DPP6: variants seen among roughly 807,000 people sequenced by gnomAD.
DPP6 encodes A-type potassium channel modulatory protein DPP6.
DPP6 carries 69 observed loss-of-function variants against 122.6 expected under a neutral mutation model. That is an observed-to-expected ratio of 0.56 (90% CI 0.46 to 0.69). The LOEUF is 0.69. Ranked by LOEUF, DPP6 falls within the 30% of genes least tolerant of loss-of-function variation. The pLI is 0.00. For missense variants in DPP6, 928 were observed against 1,116.9 expected, an observed-to-expected ratio of 0.83 and a Z score of 2.41; for synonymous variants, 418 against 433.1, an observed-to-expected ratio of 0.97 and a Z score of 0.43.
At chr7:154,127,597 T>TCTCACACACACACA (rs1438098845) in intron 1 of DPP6, among the ~76,000 whole-genome samples, 19 of 136,806 alleles carry the variant, frequency 1.4e-4, no homozygotes, top group African/African-American at 5.8e-4. Flanking sequence ...GAGCAGCATC[T>TCTCACACACACACA]CACACACACA....
intron 2 of DPP6, among the ~76,000 whole-genome samples, chr7:154,458,231 G>A (rs1384151889): frequency 6.6e-6 from 1 of 152,148 alleles, no homozygotes; most frequent in Non-Finnish European, 1.5e-5. Context: ...TGAATCATGG[G>A]GGTGGGTTTT....
At chr7:154,591,727 A>G (rs145157783) in intron 5 of DPP6, among the ~76,000 whole-genome samples, 2 of 152,332 alleles carry the variant, frequency 1.3e-5, no homozygotes, top group East Asian at 1.9e-4. Flanking sequence ...CCAGCAGAGG[A>G]GACCACAGCT....
In DPP6 at chr7:154,873,819, C is replaced by G. The variant is rs1044668874; in HGVS notation, c.1883+1126C>G. On this transcript the variant is annotated intron_variant, in intron 19 of 25. Transcript: ENST00000377770. ...ACATGCATCCACACACACACATGCA[C>G]ACACGCATACATAAACACACACATA... 1.3e-3 allele frequency among the ~76,000 whole-genome samples: 162 copies of G among 128,150 alleles called. 1 individual carries two copies. The highest frequency in any genetic ancestry group is 3.6e-4 in the Non-Finnish European group (20 of 55,538). The allele number at this position is 128,150 out of a possible 152,430, so 84.1% of individuals were successfully genotyped here. A position where few individuals can be genotyped will look rare whatever the true frequency, so the allele number is the denominator to read the frequency against.
At chr7:154,594,105 A>G (rs74402582) in intron 5 of DPP6, among the ~76,000 whole-genome samples, 1 of 151,404 alleles carries the variant, frequency 6.6e-6, no homozygotes, top group Non-Finnish European at 1.5e-5. Flanking sequence ...TCTTTAAAGG[A>G]TCACTCTAGC....
At chr7:154,656,173 G>A (rs535700227) in intron 6 of DPP6, among the ~76,000 whole-genome samples, 39 of 141,436 alleles carry the variant, frequency 2.8e-4, no homozygotes, top group Middle Eastern at 7.0e-3. Flanking sequence ...AGAGGGAGGT[G>A]GGGGGAGAGC....
chr7:154,581,493 A>T (rs1318553919), intron 5 of DPP6, among the ~76,000 whole-genome samples: 2 of 146,710 alleles, frequency 1.4e-5, no homozygotes, highest in Non-Finnish European at 2.9e-5. Flanking sequence ...CAGGGAAAGG[A>T]GGAGAACACG....
intron 3 of DPP6, among the ~76,000 whole-genome samples, chr7:154,502,617 A>G (rs181343746): frequency 6.6e-6 from 1 of 152,306 alleles, no homozygotes; most frequent in Admixed American, 6.5e-5. Flanking sequence ...CCCCAGCCAC[A>G]TGGAACTGTA....
intron 1 of DPP6, chr7:154,058,971 G>C (rs1190804162): frequency 1.3e-5 from 2 of 148,796 alleles, no homozygotes; most frequent in African/African-American, 2.6e-5. Context: ...CCCCCGCGAG[G>C]CAGGGACTGA....
At chr7:154,375,470 A>G (rs1318971403) in intron 1 of DPP6, among the ~76,000 whole-genome samples, 2 of 152,190 alleles carry the variant, frequency 1.3e-5, no homozygotes, top group Non-Finnish European at 2.9e-5. Flanking sequence ...TGGAGGTCCT[A>G]ACCTCCACTG....
chr7:154,200,363 C>T (rs544610862), intron 1 of DPP6, among the ~76,000 whole-genome samples: 11 of 152,240 alleles, frequency 7.2e-5, no homozygotes, highest in South Asian at 4.2e-4. Context: ...ATTCCCTTCT[C>T]GCTATTTTGA....
intron 1 of DPP6, among the ~76,000 whole-genome samples, chr7:154,236,249 A>G (rs1449744518): frequency 4.6e-5 from 7 of 152,220 alleles, no homozygotes; most frequent in African/African-American, 1.7e-4. Context: ...ATCACATGAA[A>G]CTATACCTGG....
At chr7:154,253,011 T>C (rs915741320) in intron 1 of DPP6, among the ~76,000 whole-genome samples, 4 of 152,166 alleles carry the variant, frequency 2.6e-5, no homozygotes, top group African/African-American at 7.2e-5. Flanking sequence ...TGGGTAAACA[T>C]GGAAAGAAGG....
At chr7:153,962,002 T>C (rs575477512) in intron 1 of DPP6, among the ~76,000 whole-genome samples, 2 of 148,566 alleles carry the variant, frequency 1.3e-5, no homozygotes, top group East Asian at 4.0e-4. Context: ...TGTGGCTGAT[T>C]TGTTTACTGT....
At chr7:154,679,531 C>T (rs1490127221) in intron 7 of DPP6, among the ~76,000 whole-genome samples, 1 of 152,110 alleles carries the variant, frequency 6.6e-6, no homozygotes, top group African/African-American at 2.4e-5. Context: ...CAGCCTGGCT[C>T]AGGGTTAGCG....
intron 1 of DPP6, among the ~76,000 whole-genome samples, chr7:153,888,523 C>T (rs1799044670): frequency 6.6e-6 from 1 of 152,208 alleles, no homozygotes; most frequent in South Asian, 2.1e-4. Flanking sequence ...CTCTCGGGCT[C>T]ACGTTAGTCC....
At chr7:153,815,059 T>C in the DPP6 span, among the ~76,000 whole-genome samples, 2 of 152,310 alleles carry the variant, frequency 1.3e-5, no homozygotes, top group South Asian at 4.2e-4. Context: ...AAGACAGGGA[T>C]GGCCTCTCTC....
At chr7:153,939,107 AT>A (rs563522822) in intron 1 of DPP6, among the ~76,000 whole-genome samples, 154 of 152,286 alleles carry the variant, frequency 1.0e-3, no homozygotes, top group Middle Eastern at 3.4e-3. Context: ...GAATGATGTC[AT>A]TTTTTAATAT....
At chr7:154,544,046 A>G (rs1339307484) in intron 4 of DPP6, among the ~76,000 whole-genome samples, 4 of 148,124 alleles carry the variant, frequency 2.7e-5, no homozygotes, top group East Asian at 3.9e-4. Context: ...TTAAAATTCT[A>G]TGATGATTAT....
intron 16 of DPP6, among the ~76,000 whole-genome samples, chr7:154,816,299 A>G (rs1799421889): frequency 6.6e-6 from 1 of 152,166 alleles, no homozygotes; most frequent in Non-Finnish European, 1.5e-5. Flanking sequence ...CACCACATTC[A>G]TAATAACTTT....
Sources: allele counts gnomAD v4.1 joint callset (sites outside exome capture counted in the v4.1 genomes callset), GRCh38; gene constraint gnomAD v4.1.1; transcripts MANE v1.5; gene names NCBI Gene and HGNC (gene_info 2026-07-23, HGNC 2026-07-21).